KHDRBS2: variants seen among roughly 807,000 people sequenced by gnomAD.
KHDRBS2 encodes the protein KH RNA binding domain containing, signal transduction associated 2.
A neutral mutation model predicts 44.3 loss-of-function variants in KHDRBS2; 26 were observed. The ratio of observed to expected loss-of-function variants is 0.59; its 90% CI spans 0.43 to 0.81. The LOEUF (loss-of-function observed/expected upper bound fraction) is 0.81, where lower values mean the gene tolerates loss of function less well. KHDRBS2 is among the 40% of genes least tolerant of loss of function. The pLI is 0.00. For missense variants in KHDRBS2, 476 were observed against 433.1 expected, an observed-to-expected ratio of 1.10 and a Z score of -0.88; for synonymous variants, 194 against 151.1, an observed-to-expected ratio of 1.28 and a Z score of -2.08.
chr6:61,937,503 ATG>A (rs1811251218), intron 4 of KHDRBS2, among the ~76,000 whole-genome samples: 1 of 151,762 alleles, frequency 6.6e-6, no homozygotes. Flanking sequence ...CTTTGGTCTG[ATG>A]TGTCTTATGT....
At chr6:62,179,472 T>G (rs1336025867) in intron 1 of KHDRBS2, among the ~76,000 whole-genome samples, 1 of 151,784 alleles carries the variant, frequency 6.6e-6, no homozygotes, top group Non-Finnish European at 1.5e-5. Flanking sequence ...ACCACAATTA[T>G]GATAATTGCA....
intron 3 of KHDRBS2, among the ~76,000 whole-genome samples, chr6:62,023,531 A>G (rs934976110): frequency 6.6e-6 from 1 of 151,674 alleles, no homozygotes; most frequent in Non-Finnish European, 1.5e-5. Context: ...TTTATGTGGA[A>G]AGAAATATTT....
At chr6:62,020,930 A>G (rs1247830137) in intron 3 of KHDRBS2, among the ~76,000 whole-genome samples, 1 of 152,070 alleles carries the variant, frequency 6.6e-6, no homozygotes, top group Non-Finnish European at 1.5e-5. Flanking sequence ...AAATGCATGC[A>G]TATGTGCATT....
intron 6 of KHDRBS2, among the ~76,000 whole-genome samples, chr6:61,893,076 C>A (rs1802269386): frequency 6.6e-6 from 1 of 152,038 alleles, no homozygotes; most frequent in African/African-American, 2.4e-5. Flanking sequence ...ACCCCATCAA[C>A]AAGTGGGCAA....
At position 61,751,310 on chromosome 6, in the gene KHDRBS2, A is replaced by G. The variant is rs539196328; in HGVS notation, c.811-18546T>C. 2.0e-5 allele frequency among the ~76,000 whole-genome samples: 3 copies of G among 152,296 alleles called. No homozygotes were observed. In the East Asian group the frequency reaches 5.8e-4, roughly 29 times the overall value. ...CCTACATAAGGGATAATATCTTCAC[A>G]TTTGTAATCATCTGAGTTCCAGGGG... On this transcript the variant is annotated intron_variant, in intron 6 of 8. Coordinates refer to ENST00000281156, the MANE Select transcript of KHDRBS2 (RefSeq NM_152688.4).
chr6:61,712,425 T>A (rs1288565043), intron 7 of KHDRBS2, among the ~76,000 whole-genome samples: 1 of 151,828 alleles, frequency 6.6e-6, no homozygotes, highest in Non-Finnish European at 1.5e-5. Context: ...ACATGACACA[T>A]TAGAGACCAA....
At chr6:62,248,162 A>C (rs1175175584) in intron 1 of KHDRBS2, among the ~76,000 whole-genome samples, 7 of 152,090 alleles carry the variant, frequency 4.6e-5, no homozygotes, top group African/African-American at 1.4e-4. Context: ...TAAGGTTGTG[A>C]GTATTCTAGC....
intron 6 of KHDRBS2, among the ~76,000 whole-genome samples, chr6:61,749,570 T>C (rs969509186): frequency 6.6e-6 from 1 of 152,224 alleles, no homozygotes; most frequent in Non-Finnish European, 1.5e-5. Context: ...GTCCTGTTGT[T>C]TAAATTATCC....
intron 6 of KHDRBS2, among the ~76,000 whole-genome samples, chr6:61,858,895 T>C (rs1796519605): frequency 6.6e-6 from 1 of 151,918 alleles, no homozygotes; most frequent in South Asian, 2.1e-4. Context: ...GATTTAATAT[T>C]CAACTTATTG....
chr6:62,106,237 A>G (rs1367872682), intron 2 of KHDRBS2, among the ~76,000 whole-genome samples: 1 of 151,698 alleles, frequency 6.6e-6, no homozygotes, highest in African/African-American at 2.4e-5. Flanking sequence ...TGTGATGCTG[A>G]AAAAAAATGT....
intron 6 of KHDRBS2, among the ~76,000 whole-genome samples, chr6:61,770,029 A>G (rs1395489029): frequency 1.3e-5 from 2 of 152,168 alleles, no homozygotes; most frequent in Non-Finnish European, 2.9e-5. Flanking sequence ...GCGGTTCACC[A>G]ATATCAGCTG....
the KHDRBS2 span, among the ~76,000 whole-genome samples, chr6:61,554,585 G>A: frequency 6.6e-6 from 1 of 152,068 alleles, no homozygotes; most frequent in Non-Finnish European, 1.5e-5. Flanking sequence ...AGATATTTTT[G>A]TGTGGTTTCT....
At chr6:61,567,091 T>C in the KHDRBS2 span, among the ~76,000 whole-genome samples, 1 of 152,204 alleles carries the variant, frequency 6.6e-6, no homozygotes, top group Admixed American at 6.5e-5. Context: ...CTTATTGAAA[T>C]TAGCTCCTAC....
chr6:62,215,526 G>A (rs1298630020), intron 1 of KHDRBS2, among the ~76,000 whole-genome samples: 1 of 151,538 alleles, frequency 6.6e-6, no homozygotes, highest in Admixed American at 6.6e-5. Flanking sequence ...AAAGAAATAG[G>A]AGACATTGTG....
rs79191292 is a variant in KHDRBS2, at chr6:61,807,010, T to C, written c.811-74246A>G. Among the ~76,000 whole-genome samples the C allele has an allele frequency of 1.1e-3, 163 of 152,214 alleles. 2 individuals are homozygous for C. The highest frequency in any genetic ancestry group is 0.011 in the East Asian group (55 of 5,182). ...AATATCCCCTTCTTGTGATGAAACATATTTTACTTTGTGAATAAGAAGCCA... is the reference window on the plus strand; with the variant it reads ...AATATCCCCTTCTTGTGATGAAACACATTTTACTTTGTGAATAAGAAGCCA... On this transcript the variant is annotated intron_variant, in intron 6 of 8. Transcript: ENST00000281156.
rs142801609 is a variant in KHDRBS2, at chr6:62,089,830, C to T, written c.220-41836G>A. Among the ~76,000 whole-genome samples the T allele has an allele frequency of 1.1e-4, 16 of 152,104 alleles. No individual in the cohort carries two copies. In the East Asian group the frequency reaches 2.9e-3, roughly 28 times the overall value. On this transcript the variant is annotated intron_variant, in intron 2 of 8. Coordinates refer to ENST00000281156, the MANE Select transcript of KHDRBS2 (RefSeq NM_152688.4). ...CTGAAGTAATTACATTTTTTGAAGACTATTGTTTGTGTAATGTGTGTAAAG... is the reference window on the plus strand; with the variant it reads ...CTGAAGTAATTACATTTTTTGAAGATTATTGTTTGTGTAATGTGTGTAAAG...
chr6:62,210,622 T>C (rs1200161458), intron 1 of KHDRBS2, among the ~76,000 whole-genome samples: 1 of 152,128 alleles, frequency 6.6e-6, no homozygotes, highest in African/African-American at 2.4e-5. Flanking sequence ...ATTCTAGCAT[T>C]CTTAAAATCA....
chr6:62,259,848 G>A (rs1009575284), intron 1 of KHDRBS2, among the ~76,000 whole-genome samples: 3 of 151,964 alleles, frequency 2.0e-5, no homozygotes, highest in African/African-American at 7.2e-5. Flanking sequence ...ATCAGAATTA[G>A]TTTTTAAAAA....
At chr6:61,557,125 T>C in the KHDRBS2 span, among the ~76,000 whole-genome samples, 4 of 152,146 alleles carry the variant, frequency 2.6e-5, no homozygotes, top group African/African-American at 9.7e-5. Flanking sequence ...ACCCCAGAGA[T>C]CTGCAGCTGC....
Sources: allele counts gnomAD v4.1 joint callset (sites outside exome capture counted in the v4.1 genomes callset), GRCh38; gene constraint gnomAD v4.1.1; transcripts MANE v1.5; gene names NCBI Gene and HGNC (gene_info 2026-07-23, HGNC 2026-07-21).